Variants in CEP63 observed in about 807,000 individuals in gnomAD.
The protein encoded by CEP63 is centrosomal protein of 63 kDa.
Under a neutral mutation model 89.1 loss-of-function variants are expected in CEP63, and 84 were observed. The observed-to-expected ratio is 0.94, with a 90% CI of 0.79 to 1.13. CEP63 has a LOEUF of 1.13. CEP63 is among the 50% of genes most tolerant of loss of function. The probability of loss-of-function intolerance (pLI) is 0.00; values close to 1 mark genes in which losing one functional copy is unlikely to be tolerated. For synonymous variants in CEP63, 267 were observed against 272.5 expected (o/e 0.98, Z 0.20); for missense variants, 838 against 813.3 (o/e 1.03, Z -0.37).
the CEP63 span, chr3:134,651,028 C>G: frequency 7.3e-5 from 117 of 1,602,404 alleles, no homozygotes; most frequent in African/African-American, 3.9e-4. Context: ...CAAATGGCCC[C>G]GTGCGCGCAG....
At chr3:134,629,405 T>C in the CEP63 span, 1 of 546,514 alleles carries the variant, frequency 1.8e-6, no homozygotes, top group Non-Finnish European at 3.3e-6. Flanking sequence ...CTGTGTTACC[T>C]ATGACTAGTT....
intron 14 of CEP63, among the ~76,000 whole-genome samples, chr3:134,559,644 G>A (rs192052050): frequency 4.5e-4 from 69 of 152,246 alleles, no homozygotes; most frequent in African/African-American, 1.5e-3. Context: ...TATGTTATAC[G>A]TATTCATTTG....
chr3:134,620,471 A>T, the CEP63 span, among the ~76,000 whole-genome samples: 1 of 152,148 alleles, frequency 6.6e-6, no homozygotes, highest in Admixed American at 6.5e-5. Flanking sequence ...GCTGGGACAG[A>T]GGGAAGGCTG....
chr3:134,513,766 C>T (rs1945555049), intron 3 of CEP63, among the ~76,000 whole-genome samples: 1 of 152,062 alleles, frequency 6.6e-6, no homozygotes, highest in Non-Finnish European at 1.5e-5. Flanking sequence ...TTGAAAAAAC[C>T]ACTCAGCTTC....
At chr3:134,771,130 G>T in the CEP63 span, among the ~76,000 whole-genome samples, 1 of 152,156 alleles carries the variant, frequency 6.6e-6, no homozygotes, top group African/African-American at 2.4e-5. Flanking sequence ...GGTTCTCAGT[G>T]CAGGGCAACT....
chr3:134,749,813 C>T, the CEP63 span, among the ~76,000 whole-genome samples: 1 of 99,882 alleles, frequency 1.0e-5, no homozygotes, highest in East Asian at 4.4e-4. Context: ...TCATCTAGAG[C>T]CCAGAGGCTA....
At chr3:134,517,831 G>A (rs1946575177) in intron 3 of CEP63, among the ~76,000 whole-genome samples, 1 of 152,078 alleles carries the variant, frequency 6.6e-6, no homozygotes, top group South Asian at 2.1e-4. Flanking sequence ...AGCCATAAGA[G>A]CATATATTAG....
At chr3:134,581,357 A>G (rs964992840) in intron 10 of CEP63, among the ~76,000 whole-genome samples, 1 of 152,142 alleles carries the variant, frequency 6.6e-6, no homozygotes, top group Admixed American at 6.5e-5. Flanking sequence ...AAGGCGGTGG[A>G]TCACCTGAGG....
At position 134,486,144 on chromosome 3, in the gene CEP63, C is replaced by A. The variant is rs57845495; in HGVS notation, c.-84C>A. 1.0e-4 allele frequency: 100 copies of A among 985,490 alleles called. No homozygotes were observed. The highest frequency in any genetic ancestry group is 1.1e-4 in the Non-Finnish European group (95 of 830,066). 61.0% of individuals were successfully genotyped at this position (985,490 alleles called of 1,614,324 possible). On this transcript the variant is annotated 5_prime_UTR_variant, in exon 1 of 15. Transcript: ENST00000675561. The stretch of plus-strand genomic sequence containing the variant: ...GGGGCAGTGGGCGGAACAAACGCGC[C>A]GACTACAGAGGCTGGACGTAAGCTT...
the CEP63 span, among the ~76,000 whole-genome samples, chr3:134,704,122 A>G: frequency 6.3e-4 from 96 of 152,274 alleles, no homozygotes; most frequent in African/African-American, 2.1e-3. Context: ...GGCCAGGAAG[A>G]TTTTGTCTTC....
chr3:134,645,942 A>G, the CEP63 span, among the ~76,000 whole-genome samples: 172 of 152,330 alleles, frequency 1.1e-3, no homozygotes, highest in Non-Finnish European at 1.9e-3. Context: ...GTGTATTTCA[A>G]TCCTCTCCTG....
the CEP63 span, chr3:134,604,021 A>G: frequency 6.2e-7 from 1 of 1,613,898 alleles, no homozygotes; most frequent in Non-Finnish European, 8.5e-7. Flanking sequence ...CTCCCGGTGC[A>G]GCTGGAAGAT....
the CEP63 span, among the ~76,000 whole-genome samples, chr3:134,773,119 A>G: frequency 1.3e-5 from 2 of 152,222 alleles, no homozygotes; most frequent in Non-Finnish European, 1.5e-5. Flanking sequence ...TAGAGGCAGC[A>G]GGGCAGAGAT....
intron 10 of CEP63, among the ~76,000 whole-genome samples, chr3:134,584,789 C>T (rs2110340111): frequency 6.6e-6 from 1 of 152,230 alleles, no homozygotes; most frequent in Non-Finnish European, 1.5e-5. Context: ...TTGAATTCGG[C>T]TGTGAATCCA....
the CEP63 span, among the ~76,000 whole-genome samples, chr3:134,707,821 C>T: frequency 3.4e-5 from 5 of 148,416 alleles, no homozygotes; most frequent in Admixed American, 2.0e-4. Flanking sequence ...GTCCTCCTCT[C>T]ACTCTGGGTT....
chr3:134,606,898 C>T, the CEP63 span: 2 of 984,642 alleles, frequency 2.0e-6, no homozygotes, highest in African/African-American at 1.8e-5. Flanking sequence ...TGCCCTCTTC[C>T]TTCCCTTCCT....
chr3:134,635,127 T>G, the CEP63 span, among the ~76,000 whole-genome samples: 1 of 152,212 alleles, frequency 6.6e-6, no homozygotes, highest in Non-Finnish European at 1.5e-5. Context: ...CTATTCATAA[T>G]CACCCTGAAC....
the CEP63 span, among the ~76,000 whole-genome samples, chr3:134,653,894 T>C: frequency 6.6e-6 from 1 of 152,146 alleles, no homozygotes; most frequent in South Asian, 2.1e-4. Flanking sequence ...AGCCCCTCCA[T>C]CCTGCTACCA....
the CEP63 span, among the ~76,000 whole-genome samples, chr3:134,616,524 T>A: frequency 1.3e-5 from 2 of 152,234 alleles, no homozygotes; most frequent in African/African-American, 2.4e-5. Flanking sequence ...AGGTTACTGA[T>A]CTTTAAAGAA....
Sources: allele counts gnomAD v4.1 joint callset (sites outside exome capture counted in the v4.1 genomes callset), GRCh38; gene constraint gnomAD v4.1.1; transcripts MANE v1.5; gene names NCBI Gene and HGNC (gene_info 2026-07-23, HGNC 2026-07-21).